CYP4Z1: variants seen among roughly 807,000 people sequenced by gnomAD.
CYP4Z1 encodes cytochrome P450 family 4 subfamily Z member 1, also known as cytochrome P450 4Z1.
CYP4Z1 carries 41 observed loss-of-function variants against 54.2 expected under a neutral mutation model. That is an observed-to-expected ratio of 0.76 (90% confidence interval 0.59 to 0.98). The LOEUF is 0.98. Among genes scored for constraint, CYP4Z1 ranks in the 50% least tolerant of loss-of-function variants. CYP4Z1 has a pLI of 0.00. For synonymous variants in CYP4Z1, 163 were observed against 206.2 expected (o/e 0.79, Z 1.79); for missense variants, 513 against 599.0 (o/e 0.86, Z 1.50).
At chr1:47,077,855 A>G (rs1365726130) in intron 2 of CYP4Z1, among the ~76,000 whole-genome samples, 2 of 152,056 alleles carry the variant, frequency 1.3e-5, no homozygotes, top group Non-Finnish European at 2.9e-5. Context: ...CTGGCTTCAA[A>G]CAGTGCTTCC....
the CYP4Z1 span, among the ~76,000 whole-genome samples, chr1:47,060,074 GATTT>G: frequency 3.3e-5 from 5 of 152,116 alleles, no homozygotes; most frequent in African/African-American, 1.2e-4. Context: ...TCATTTAATA[GATTT>G]ATTTATCTGA....
chr1:47,088,479 G>A (rs1163312377), intron 6 of CYP4Z1, among the ~76,000 whole-genome samples: 1 of 152,084 alleles, frequency 6.6e-6, no homozygotes, highest in Non-Finnish European at 1.5e-5. Context: ...TAGTTTATTT[G>A]CTTAGAGGCG....
intron 4 of CYP4Z1, 96 bp from the exon 5 acceptor site, chr1:47,084,524 T>G: frequency 3.9e-6 from 6 of 1,548,752 alleles, no homozygotes; most frequent in Non-Finnish European, 5.2e-6. Flanking sequence ...CGCTTTATAT[T>G]TTCAAACCCA....
At chr1:47,079,344 A>C (rs1644547533) in intron 2 of CYP4Z1, among the ~76,000 whole-genome samples, 1 of 152,076 alleles carries the variant, frequency 6.6e-6, no homozygotes, top group African/African-American at 2.4e-5. Context: ...TAAACAATTA[A>C]CTGTCTTCCA....
At chr1:47,086,085 G>C (rs142175860) in intron 6 of CYP4Z1, among the ~76,000 whole-genome samples, 7,251 of 151,996 alleles carry the variant, frequency 0.048, 570 homozygotes, top group African/African-American at 0.16. Flanking sequence ...TCTTAATCCA[G>C]TCTATCATTG....
chr1:47,112,207 GAC>G (rs1254803508), intron 9 of CYP4Z1, among the ~76,000 whole-genome samples: 1 of 151,954 alleles, frequency 6.6e-6, no homozygotes, highest in Non-Finnish European at 1.5e-5. Context: ...TCAACAAAGA[GAC>G]ACACCACGAA....
At chr1:47,109,612 G>A (rs1644778931) in intron 9 of CYP4Z1, among the ~76,000 whole-genome samples, 3 of 152,202 alleles carry the variant, frequency 2.0e-5, no homozygotes, top group Non-Finnish European at 4.4e-5. Context: ...ACAGATTCCT[G>A]GGAGAGCAGT....
intron 6 of CYP4Z1, among the ~76,000 whole-genome samples, chr1:47,087,150 T>C (rs1644601959): frequency 6.6e-6 from 1 of 152,188 alleles, no homozygotes; most frequent in African/African-American, 2.4e-5. Flanking sequence ...TTTGTTCTTT[T>C]GGCTTACAAT....
At chr1:47,108,628 G>C (rs558997074) in intron 9 of CYP4Z1, among the ~76,000 whole-genome samples, 7 of 152,160 alleles carry the variant, frequency 4.6e-5, no homozygotes, top group Non-Finnish European at 7.3e-5. Flanking sequence ...CTTGGCAAAA[G>C]ACCTACTACA....
upstream of CYP4Z1, among the ~76,000 whole-genome samples, chr1:47,062,932 A>G (rs924037225): frequency 6.6e-6 from 1 of 152,138 alleles, no homozygotes; most frequent in African/African-American, 2.4e-5. Flanking sequence ...GCCAACCAAC[A>G]CAAAACCAGT....
Position 47,084,612 on chromosome 1 carries a change from T to C in CYP4Z1, c.493-8T>C, listed in dbSNP as rs748457443. 4.2e-5 allele frequency: 66 copies of C among 1,569,786 alleles called. No individual in the cohort carries two copies. In the Admixed American group the frequency reaches 1.2e-3, roughly 29 times the overall value. ...GTGTATGATCATGATATTCATCCCCTGCCCCAGAACAAATGGGAGGAACAC... is the reference window on the plus strand; with the variant it reads ...GTGTATGATCATGATATTCATCCCCCGCCCCAGAACAAATGGGAGGAACAC... On this transcript the variant is annotated splice_polypyrimidine_tract_variant and splice_region_variant and intron_variant, in intron 4 of 11. Coordinates refer to ENST00000334194, the MANE Select transcript of CYP4Z1 (RefSeq NM_178134.3).
intron 1 of CYP4Z1, 100 bp from the exon 2 acceptor site, chr1:47,068,522 T>C (rs1202569056): frequency 2.1e-6 from 3 of 1,434,210 alleles, no homozygotes; most frequent in East Asian, 4.6e-5. Flanking sequence ...GATGGGGTGG[T>C]GTCCACAGAT....
At chr1:47,060,567 G>C in the CYP4Z1 span, among the ~76,000 whole-genome samples, 17 of 152,184 alleles carry the variant, frequency 1.1e-4, no homozygotes, top group Admixed American at 6.5e-5. Context: ...CAAGTTCTTA[G>C]AGACTACAAA....
At chr1:47,069,847 T>TTC (rs1409328783) in intron 2 of CYP4Z1, among the ~76,000 whole-genome samples, 4 of 130,072 alleles carry the variant, frequency 3.1e-5, no homozygotes, top group African/African-American at 9.1e-5. Flanking sequence ...AGCCAAGAAT[T>TTC]TCTCTCCCTC....
intron 4 of CYP4Z1, among the ~76,000 whole-genome samples, chr1:47,082,776 A>G (rs1458907724): frequency 6.6e-6 from 1 of 151,274 alleles, no homozygotes; most frequent in East Asian, 1.9e-4. Context: ...TAGCCATGCC[A>G]ACATAGAGAA....
rs1317821602 is a variant in CYP4Z1, at chr1:47,084,673, T to C, written c.546T>C (p.His182=). The C allele has an allele frequency of 6.2e-7, 1 of 1,608,518 alleles. No individual in the cohort carries two copies. Among genetic ancestry groups the C allele is most frequent in the Admixed American group, 1.7e-5 (1 of 59,424 alleles). The change falls in exon 5 of 12, where the codon CAT becomes CAC. Residue 182 remains histidine, a synonymous_variant. Transcript: ENST00000334194. ...ACTCACGTCTGGAGCTCTTTCAACA[T>C]GTCTCCCTGATGACCCTGGACAGCA... ...AQNSRLELFQ[H]VSLMTLDSIM...
At chr1:47,110,538 C>A (rs1296958390) in intron 9 of CYP4Z1, among the ~76,000 whole-genome samples, 1 of 152,100 alleles carries the variant, frequency 6.6e-6, no homozygotes, top group East Asian at 1.9e-4. Flanking sequence ...GCCTGGGCAA[C>A]ATAGTGAGAC....
Position 47,084,754 on chromosome 1 carries a change from A to C in CYP4Z1, c.617+10A>C. On this transcript the variant is annotated intron_variant, in intron 5 of 11. Coordinates refer to ENST00000334194, the MANE Select transcript of CYP4Z1 (RefSeq NM_178134.3). ...GCATCCAGTTGGACAGGTCAGTGAC[A>C]AAAGGAAGGTAATTGTTTGCCAATA... 4.3e-6 allele frequency: 7 copies of C among 1,613,458 alleles called. No individual in the cohort carries two copies. The highest frequency in any genetic ancestry group is 5.9e-6 in the Non-Finnish European group (7 of 1,179,838).
At chr1:47,056,561 C>T in the CYP4Z1 span, among the ~76,000 whole-genome samples, 1 of 152,178 alleles carries the variant, frequency 6.6e-6, no homozygotes, top group African/African-American at 2.4e-5. Flanking sequence ...GTCTAAGTCT[C>T]TTCGTAGGTC....
Sources: allele counts gnomAD v4.1 joint callset (sites outside exome capture counted in the v4.1 genomes callset), GRCh38; gene constraint gnomAD v4.1.1; transcripts MANE v1.5; gene names NCBI Gene and HGNC (gene_info 2026-07-23, HGNC 2026-07-21).